GRID2: variants seen among roughly 807,000 people sequenced by gnomAD.
GRID2 encodes glutamate receptor ionotropic, delta-2.
Under a neutral mutation model 114.8 loss-of-function variants are expected in GRID2, and 33 were observed. That is an observed-to-expected ratio of 0.29 (90% confidence interval 0.22 to 0.38). GRID2 has a LOEUF of 0.38. Among genes scored for constraint, GRID2 ranks in the 10% least tolerant of loss-of-function variants. GRID2 has a pLI of 1.00. For missense variants in GRID2, 1,184 were observed against 1,257.7 expected (o/e 0.94, Z 0.89); for synonymous variants, 505 against 449.9 (o/e 1.12, Z -1.55).
At chr4:93,569,168 G>T (rs1170921559) in intron 13 of GRID2, among the ~76,000 whole-genome samples, 1 of 152,156 alleles carries the variant, frequency 6.6e-6, no homozygotes, top group East Asian at 1.9e-4. Flanking sequence ...GTCCCCTGCA[G>T]AATTTAGTTC....
intron 1 of GRID2, among the ~76,000 whole-genome samples, chr4:92,424,318 C>T (rs990342596): frequency 6.6e-6 from 1 of 152,022 alleles, no homozygotes; most frequent in Non-Finnish European, 1.5e-5. Context: ...ACATATGATA[C>T]CATGTATTAT....
chr4:93,174,407 A>G (rs1057316526), intron 4 of GRID2, among the ~76,000 whole-genome samples: 4 of 152,158 alleles, frequency 2.6e-5, no homozygotes, highest in Non-Finnish European at 5.9e-5. Flanking sequence ...CACTCAGTGG[A>G]ATTCTCTGGA....
chr4:93,529,928 C>T (rs1731278326), intron 13 of GRID2, among the ~76,000 whole-genome samples: 1 of 152,134 alleles, frequency 6.6e-6, no homozygotes, highest in Non-Finnish European at 1.5e-5. Context: ...AATTACCTTT[C>T]TTTGCAAGTT....
At chr4:93,629,841 G>A (rs751324933) in intron 14 of GRID2, among the ~76,000 whole-genome samples, 15 of 152,118 alleles carry the variant, frequency 9.9e-5, no homozygotes, top group Non-Finnish European at 1.8e-4. Flanking sequence ...CCTGCCAGAC[G>A]TCTTATATGT....
chr4:93,372,941 G>A (rs1322143556), intron 8 of GRID2, among the ~76,000 whole-genome samples: 1 of 152,010 alleles, frequency 6.6e-6, no homozygotes, highest in Non-Finnish European at 1.5e-5. Flanking sequence ...TAATACTTTT[G>A]TGGGTATCTA....
chr4:93,588,054 A>T (rs1737720777), intron 13 of GRID2, among the ~76,000 whole-genome samples: 1 of 152,152 alleles, frequency 6.6e-6, no homozygotes, highest in African/African-American at 2.4e-5. Context: ...CAATTTGGAA[A>T]TGAAAATGTT....
intron 4 of GRID2, among the ~76,000 whole-genome samples, chr4:93,158,298 A>G (rs1737364160): frequency 6.6e-6 from 1 of 151,834 alleles, no homozygotes; most frequent in Non-Finnish European, 1.5e-5. Context: ...GAGAAGTTTT[A>G]TCATTTTACA....
intron 1 of GRID2, among the ~76,000 whole-genome samples, chr4:92,564,079 A>G (rs1038554584): frequency 6.6e-6 from 1 of 152,058 alleles, no homozygotes; most frequent in African/African-American, 2.4e-5. Flanking sequence ...TACATGGATT[A>G]TGTCACATTT....
chr4:93,270,040 T>C (rs763467969), intron 8 of GRID2, among the ~76,000 whole-genome samples: 2 of 152,102 alleles, frequency 1.3e-5, no homozygotes, highest in Admixed American at 6.6e-5. Flanking sequence ...AAGGGAACCA[T>C]TAAAATTTTC....
intron 2 of GRID2, among the ~76,000 whole-genome samples, chr4:92,766,610 A>T (rs903352710): frequency 2.0e-5 from 3 of 152,008 alleles, no homozygotes; most frequent in African/African-American, 7.2e-5. Context: ...TGAATGAATG[A>T]TATATTTGTA....
intron 11 of GRID2, among the ~76,000 whole-genome samples, chr4:93,467,659 C>G (rs960035020): frequency 6.6e-6 from 1 of 152,154 alleles, no homozygotes; most frequent in Non-Finnish European, 1.5e-5. Flanking sequence ...AGCCTTTAGT[C>G]CTCTGCCTTA....
chr4:92,731,323 A>C (rs1736320360), intron 2 of GRID2, among the ~76,000 whole-genome samples: 1 of 151,854 alleles, frequency 6.6e-6, no homozygotes, highest in Admixed American at 6.6e-5. Flanking sequence ...CATATGGCAA[A>C]AACCATGATT....
chr4:93,179,693 A>G (rs1435516266), intron 4 of GRID2, among the ~76,000 whole-genome samples: 1 of 152,192 alleles, frequency 6.6e-6, no homozygotes, highest in Non-Finnish European at 1.5e-5. Flanking sequence ...ATGATCCCTA[A>G]CAGACTAGGA....
intron 1 of GRID2, among the ~76,000 whole-genome samples, chr4:92,555,088 G>A (rs1028280108): frequency 1.1e-4 from 17 of 152,134 alleles, no homozygotes; most frequent in Non-Finnish European, 2.5e-4. Flanking sequence ...CGTGAGAGTT[G>A]CATGAGTTTG....
At chr4:93,072,453 CT>C (rs1728893322) in intron 2 of GRID2, among the ~76,000 whole-genome samples, 2 of 152,156 alleles carry the variant, frequency 1.3e-5, no homozygotes, top group Admixed American at 1.3e-4. Flanking sequence ...TATTGAAGTA[CT>C]CTTCCAGCAA....
At chr4:93,398,749 GTT>G (rs35307252) in intron 9 of GRID2, among the ~76,000 whole-genome samples, 1,645 of 116,104 alleles carry the variant, frequency 0.014, 22 homozygotes, top group African/African-American at 0.047. Context: ...TGGAAGCAGT[GTT>G]TTTTTTTTTT....
At chr4:93,387,030 C>T (rs1359993930) in intron 8 of GRID2, among the ~76,000 whole-genome samples, 2 of 152,176 alleles carry the variant, frequency 1.3e-5, no homozygotes, top group African/African-American at 4.8e-5. Context: ...AAGCTTTCCT[C>T]TGTGAAGGCC....
intron 2 of GRID2, among the ~76,000 whole-genome samples, chr4:92,996,343 T>G (rs1164529070): frequency 1.3e-5 from 2 of 152,050 alleles, no homozygotes; most frequent in African/African-American, 4.8e-5. Flanking sequence ...TTTCGATGTT[T>G]GCTACTAAAA....
intron 13 of GRID2, among the ~76,000 whole-genome samples, chr4:93,612,947 A>C (rs1741125657): frequency 6.8e-6 from 1 of 147,072 alleles, no homozygotes. Context: ...TTTCAGGTAC[A>C]CCAATCAGAC....
Sources: gnomAD v4.1 joint callset for allele counts (sites outside exome capture counted in the v4.1 genomes callset) on GRCh38, gnomAD v4.1.1 for gene constraint, MANE v1.5 for transcripts, NCBI Gene and HGNC (gene_info 2026-07-23, HGNC 2026-07-21) for gene names.